The following SLC6A6 variants were observed in gnomAD, a reference collection of about 807,000 sequenced individuals.
SLC6A6 encodes the protein solute carrier family 6 member 6.
Under a neutral mutation model 68.8 loss-of-function variants are expected in SLC6A6, and 16 were observed. The ratio of observed to expected loss-of-function variants is 0.23; its 90% confidence interval spans 0.16 to 0.35. SLC6A6 has a LOEUF of 0.35. SLC6A6 is among the 10% of genes least tolerant of loss of function. The pLI is 1.00. For missense variants in SLC6A6, 474 were observed against 802.8 expected, an observed-to-expected ratio of 0.59 and a Z score of 4.95; for synonymous variants, 312 against 315.4, an observed-to-expected ratio of 0.99 and a Z score of 0.12.
Position 14,436,346 on chromosome 3 carries a change from G to A in SLC6A6, c.-11-7278G>A, listed in dbSNP as rs184428733. Among the ~76,000 whole-genome samples, 222 of 151,938 alleles carry A rather than the reference G, an allele frequency of 1.5e-3. 1 individual carries two copies. The highest frequency in any genetic ancestry group is 4.5e-3 in the African/African-American group (188 of 41,438). ...CTCCTGAGTAGCTGGGACTGCAGGC[G>A]CACGTGACCACACCTGGCTAATTTT... On this transcript the variant is annotated intron_variant, in intron 2 of 14. Coordinates refer to ENST00000622186, the MANE Select transcript of SLC6A6 (RefSeq NM_003043.6).
rs62233575 is a variant in SLC6A6, at chr3:14,465,172, T to C, written c.733-1344T>C. 2.6e-5 allele frequency among the ~76,000 whole-genome samples: 4 copies of C among 152,202 alleles called. 1 individual carries two copies. The South Asian group carries it at 8.3e-4, about 31-fold the overall frequency. On this transcript the variant is annotated intron_variant, in intron 6 of 14. Coordinates refer to ENST00000622186, the MANE Select transcript of SLC6A6 (RefSeq NM_003043.6). ...ACCTTCGAACTCCTCCCAGGCATAA[T>C]CTCTGTCTGGAAACTCCTTGTGTTG...
Position 14,466,554 on chromosome 3 carries a change from C to T in SLC6A6, c.771C>T (p.Leu257=), listed in dbSNP as rs139845421. ...YFTATFPFAM[L]LVLLVRGLTL... The stretch of plus-strand genomic sequence containing the variant: ...CAGCCACTTTTCCATTCGCCATGCT[C>T]CTGGTGCTGCTGGTCCGAGGGCTGA... Residue 257 remains leucine (L), a synonymous_variant, in exon 7 of 15, where the codon CTC becomes CTT. Transcript: ENST00000622186. 1.1e-3 allele frequency: 1,835 copies of T among 1,613,294 alleles called. 1 individual carries two copies. The highest frequency in any genetic ancestry group is 1.7e-3 in the Admixed American group (101 of 60,010).
At chr3:14,438,467 A>G (rs1306829882) in intron 2 of SLC6A6, among the ~76,000 whole-genome samples, 1 of 152,146 alleles carries the variant, frequency 6.6e-6, no homozygotes, top group Non-Finnish European at 1.5e-5. Flanking sequence ...CCTGCTGTGG[A>G]AAGGGCGGGG....
At chr3:14,483,564 G>T (rs1455252871) in intron 14 of SLC6A6, among the ~76,000 whole-genome samples, 1 of 152,240 alleles carries the variant, frequency 6.6e-6, no homozygotes, top group Admixed American at 6.5e-5. Flanking sequence ...AGAGCTGGCA[G>T]GTGGCTCAGG....
intron 1 of SLC6A6, among the ~76,000 whole-genome samples, chr3:14,414,439 G>T (rs879888749): frequency 3.9e-5 from 6 of 152,160 alleles, no homozygotes; most frequent in Non-Finnish European, 5.9e-5. Context: ...GCCTATGTGG[G>T]TCTCCTCCTG....
chr3:14,408,806 T>C (rs1699167631), intron 1 of SLC6A6, among the ~76,000 whole-genome samples: 1 of 151,872 alleles, frequency 6.6e-6, no homozygotes. Context: ...TTTTGTTTTT[T>C]TTTTGTTTGT....
In SLC6A6 at chr3:14,484,979, C is replaced by T. The variant is rs1701110855; in HGVS notation, c.1835C>T (p.Thr612Ile). 1 of 1,613,108 alleles carries T rather than the reference C, an allele frequency of 6.2e-7. No individual in the cohort carries two copies. Among genetic ancestry groups the T allele is most frequent in the African/African-American group, 1.3e-5 (1 of 74,886 alleles). The change falls in exon 15 of 15, where the codon ACC becomes ATC. Residue 612 changes from threonine to isoleucine, a missense_variant. This residue lies in a region of SLC6A6 where 194 missense variants were observed against 269.8 expected (regional missense o/e 0.72). Transcript: ENST00000622186. ...ATGAACGGCGCTCTCGTGAAACCGA[C>T]CCACATCATTGTGGAGACCATGATG... Reference protein sequence around the residue: ...TVMNGALVKPTHIIVETMM With the variant: ...TVMNGALVKPIHIIVETMM
intron 14 of SLC6A6, among the ~76,000 whole-genome samples, chr3:14,483,073 C>T (rs972316388): frequency 6.6e-6 from 1 of 152,222 alleles, no homozygotes; most frequent in Non-Finnish European, 1.5e-5. Context: ...AAAGCAATTA[C>T]ATACCATTGG....
In SLC6A6 at chr3:14,477,391, C is replaced by G. The variant is rs142252439; in HGVS notation, c.1347+49C>G. On this transcript the variant is annotated intron_variant, in intron 11 of 14. Transcript: ENST00000622186. This position sits in a 1 kb window ranked among gnomAD's most constrained non-coding sequence, Gnocchi z 4.2. ...TTCAGGCTTGGTGCTCCAGTGCCCT[C>G]CTCAAGGCCATAGTGGAGGCAGCAG... 3.1e-6 allele frequency: 5 copies of G among 1,593,594 alleles called. No individual in the cohort carries two copies. The highest frequency in any genetic ancestry group is 4.3e-6 in the Non-Finnish European group (5 of 1,164,064).
At chr3:14,469,767 G>A (rs1178610599) in intron 9 of SLC6A6, among the ~76,000 whole-genome samples, 1 of 151,970 alleles carries the variant, frequency 6.6e-6, no homozygotes, top group East Asian at 1.9e-4. Flanking sequence ...TGTCTTCTTT[G>A]CTTGGCAGAG....
intron 1 of SLC6A6, among the ~76,000 whole-genome samples, chr3:14,405,564 C>T (rs906888050): frequency 1.3e-5 from 2 of 152,232 alleles, no homozygotes; most frequent in East Asian, 1.9e-4. Flanking sequence ...CCCAGGGCCA[C>T]CCTGGCAGGT....
intron 2 of SLC6A6, among the ~76,000 whole-genome samples, chr3:14,438,093 C>T (rs1699901099): frequency 6.6e-6 from 1 of 151,166 alleles, no homozygotes; most frequent in South Asian, 2.1e-4. Flanking sequence ...GATCTGCCCA[C>T]CTCGGCCTCC....
chr3:14,451,758 A>G (rs1216384797), intron 5 of SLC6A6, among the ~76,000 whole-genome samples: 2 of 152,072 alleles, frequency 1.3e-5, no homozygotes, highest in African/African-American at 4.8e-5. Flanking sequence ...ACTTATCTGA[A>G]TCCCCCTGAA....
At chr3:14,418,595 C>T (rs906294666) in intron 2 of SLC6A6, among the ~76,000 whole-genome samples, 1 of 152,200 alleles carries the variant, frequency 6.6e-6, no homozygotes, top group African/African-American at 2.4e-5. Flanking sequence ...CTACCGCTTC[C>T]TGGACTCAGC....
intron 1 of SLC6A6, among the ~76,000 whole-genome samples, chr3:14,413,409 G>A (rs73815259): frequency 0.028 from 4,202 of 152,306 alleles, 198 homozygotes; most frequent in African/African-American, 0.092. Context: ...CAGAGAGGTC[G>A]TGGTCTTCTG....
chr3:14,454,310 G>C (rs113860906), intron 5 of SLC6A6, among the ~76,000 whole-genome samples: 1,770 of 152,294 alleles, frequency 0.012, 33 homozygotes, highest in African/African-American at 0.041. Context: ...TGTTAACACT[G>C]TGGGGAGCCT....
Position 14,443,987 on chromosome 3 carries a change from C to G in SLC6A6, c.229+124C>G, listed in dbSNP as rs1459444191. ...TTCCCTGGCCCCCCCCCTTGACCTC[C>G]ATGAGGTCAGCCTGCCATGCTCCTG... On this transcript the variant is annotated intron_variant, in intron 3 of 14. Coordinates refer to ENST00000622186, the MANE Select transcript of SLC6A6 (RefSeq NM_003043.6). 4.5e-6 allele frequency: 3 copies of G among 672,454 alleles called. No individual in the cohort carries two copies. In the Admixed American group the frequency reaches 7.3e-5, roughly 16 times the overall value. 41.7% of individuals were successfully genotyped at this position (672,454 alleles called of 1,614,324 possible). A position where few individuals can be genotyped will look rare whatever the true frequency, so the allele number is the denominator to read the frequency against.
intron 2 of SLC6A6, among the ~76,000 whole-genome samples, chr3:14,423,913 C>T (rs1012848774): frequency 4.6e-5 from 7 of 152,150 alleles, no homozygotes; most frequent in African/African-American, 7.2e-5. Context: ...GTGGGCCAAG[C>T]GATCCCTGTG....
intron 2 of SLC6A6, among the ~76,000 whole-genome samples, chr3:14,417,718 C>T (rs1045670152): frequency 2.8e-5 from 4 of 144,476 alleles, no homozygotes; most frequent in African/African-American, 8.1e-5. Flanking sequence ...GGCGACGCAG[C>T]GAGACTCCGT....
Sources: allele counts gnomAD v4.1 joint callset (sites outside exome capture counted in the v4.1 genomes callset), GRCh38; gene constraint gnomAD v4.1.1; regional missense constraint gnomAD v4.1.1; non-coding constraint Gnocchi (gnomAD v3.1); transcripts MANE v1.5; gene names NCBI Gene and HGNC (gene_info 2026-07-23, HGNC 2026-07-21).